The following CHIC2 variants were observed in gnomAD, a reference collection of about 807,000 sequenced individuals.
The protein encoded by CHIC2 is cysteine-rich hydrophobic domain-containing protein 2.
A neutral mutation model predicts 25.9 loss-of-function variants in CHIC2; 14 were observed. That is an observed-to-expected ratio of 0.54 (90% CI 0.36 to 0.85). CHIC2 has a LOEUF of 0.85. Among genes scored for constraint, CHIC2 ranks in the 40% least tolerant of loss-of-function variants. CHIC2 has a pLI of 0.01. For synonymous variants in CHIC2, 70 were observed against 72.0 expected (o/e 0.97, Z 0.14); for missense variants, 146 against 202.0 (o/e 0.72, Z 1.68).
At chr4:54,089,711 G>A in the CHIC2 span, among the ~76,000 whole-genome samples, 1 of 152,226 alleles carries the variant, frequency 6.6e-6, no homozygotes, top group East Asian at 1.9e-4. Context: ...AGCTCCTATA[G>A]GTTCTTGCTG....
At chr4:54,020,484 G>A (rs1715866394) in intron 3 of CHIC2, among the ~76,000 whole-genome samples, 1 of 152,148 alleles carries the variant, frequency 6.6e-6, no homozygotes, top group African/African-American at 2.4e-5. Context: ...TTTGTTTGGT[G>A]GTCTCTTCAC....
At chr4:54,087,966 T>C in the CHIC2 span, among the ~76,000 whole-genome samples, 5 of 152,220 alleles carry the variant, frequency 3.3e-5, no homozygotes, top group Non-Finnish European at 7.3e-5. Flanking sequence ...CCTTTTCTCA[T>C]TTCAAAGTTG....
At chr4:54,090,027 T>C in the CHIC2 span, among the ~76,000 whole-genome samples, 94 of 152,316 alleles carry the variant, frequency 6.2e-4, no homozygotes, top group Admixed American at 5.0e-3. Context: ...AAATGAATTT[T>C]GTGTTTAGAC....
intron 5 of CHIC2, 66 bp from the exon 6 acceptor site, chr4:54,010,211 T>G: frequency 2.7e-6 from 3 of 1,121,766 alleles, no homozygotes; most frequent in Non-Finnish European, 3.9e-6. Flanking sequence ...ACTTCAATTA[T>G]ATGCTTTCAC....
chr4:54,080,591 C>A, the CHIC2 span, among the ~76,000 whole-genome samples: 1 of 151,666 alleles, frequency 6.6e-6, no homozygotes, highest in African/African-American at 2.4e-5. Flanking sequence ...CATGGTGAAA[C>A]CCCATCTCTA....
intron 5 of CHIC2, among the ~76,000 whole-genome samples, chr4:54,013,398 C>T (rs1715645726): frequency 6.6e-6 from 1 of 152,028 alleles, no homozygotes; most frequent in Non-Finnish European, 1.5e-5. Context: ...CACTGAGGTA[C>T]GGGCAGTTAA....
intron 3 of CHIC2, among the ~76,000 whole-genome samples, chr4:54,030,408 G>A (rs1017658756): frequency 2.0e-5 from 3 of 150,948 alleles, no homozygotes; most frequent in African/African-American, 7.3e-5. Context: ...CTACAGTCCC[G>A]CCTACTTGGG....
At chr4:54,028,143 T>G (rs1272384617) in intron 3 of CHIC2, among the ~76,000 whole-genome samples, 1 of 152,184 alleles carries the variant, frequency 6.6e-6, no homozygotes, top group Non-Finnish European at 1.5e-5. Context: ...CTGCAAAAGT[T>G]AATATAATAA....
intron 1 of CHIC2, among the ~76,000 whole-genome samples, chr4:54,053,354 C>T (rs754737905): frequency 1.3e-5 from 2 of 151,986 alleles, no homozygotes; most frequent in Admixed American, 6.6e-5. Context: ...GTCAGGAGTT[C>T]GAGACCAACC....
chr4:54,053,488 G>C (rs1717072113), intron 1 of CHIC2, among the ~76,000 whole-genome samples: 1 of 151,104 alleles, frequency 6.6e-6, no homozygotes, highest in South Asian at 2.1e-4. Context: ...CCCGGAGGCG[G>C]AGGTTGCAGT....
intron 3 of CHIC2, among the ~76,000 whole-genome samples, chr4:54,023,406 G>A (rs965741288): frequency 6.6e-6 from 1 of 152,042 alleles, no homozygotes; most frequent in Non-Finnish European, 1.5e-5. Flanking sequence ...CCCACCTGAT[G>A]CATATACTTT....
At chr4:54,063,316 T>C (rs377051673) in intron 1 of CHIC2, among the ~76,000 whole-genome samples, 1 of 152,222 alleles carries the variant, frequency 6.6e-6, no homozygotes, top group African/African-American at 2.4e-5. Context: ...ATGTAATACA[T>C]CAAGTGGTAC....
chr4:54,083,374 A>G, the CHIC2 span, among the ~76,000 whole-genome samples: 2 of 152,032 alleles, frequency 1.3e-5, no homozygotes, highest in Non-Finnish European at 2.9e-5. Context: ...TACATCAAAA[A>G]TTTCCTCTTG....
intron 3 of CHIC2, among the ~76,000 whole-genome samples, chr4:54,032,310 T>TGCCGA (rs1716254895): frequency 8.1e-6 from 1 of 123,390 alleles, no homozygotes; most frequent in East Asian, 2.9e-4. Context: ...CTCCCTCTGA[T>TGCCGA]GCCGAGCCGA....
chr4:54,057,412 C>T (rs976199218), intron 1 of CHIC2, among the ~76,000 whole-genome samples: 1 of 152,174 alleles, frequency 6.6e-6, no homozygotes, highest in African/African-American at 2.4e-5. Context: ...TTCAGTTCCT[C>T]AGGCAAGTCA....
At chr4:54,075,381 C>G in the CHIC2 span, among the ~76,000 whole-genome samples, 38 of 152,084 alleles carry the variant, frequency 2.5e-4, no homozygotes, top group African/African-American at 8.5e-4. Context: ...CTTGGAGAAA[C>G]AAAATAGTTT....
chr4:54,023,689 T>C (rs1715973893), intron 3 of CHIC2, among the ~76,000 whole-genome samples: 3 of 152,158 alleles, frequency 2.0e-5, no homozygotes, highest in Admixed American at 6.5e-5. Context: ...TATAGTATCT[T>C]CCACATCTAT....
chr4:54,073,083 G>A, the CHIC2 span, among the ~76,000 whole-genome samples: 27 of 151,820 alleles, frequency 1.8e-4, no homozygotes, highest in African/African-American at 5.8e-4. Context: ...AAAAAAAGAT[G>A]TTCACATCCC....
Position 54,064,340 on chromosome 4 carries a change from C to T in CHIC2, c.-40G>A. ...CTCCCCTGCCCAAAGGGCCTGACTC[C>T]CGGGGTTGGCGCCGGGGTACCGGCG... is the stretch of plus-strand genomic sequence containing the variant. On this transcript the variant is annotated 5_prime_UTR_variant, in exon 1 of 6. Coordinates refer to ENST00000263921, the MANE Select transcript of CHIC2 (RefSeq NM_012110.4). This position sits in a 1 kb window ranked among gnomAD's most constrained non-coding sequence, Gnocchi z 4.2. The T allele has an allele frequency of 6.2e-7, 1 of 1,610,740 alleles. No individual in the cohort carries two copies. The highest frequency in any genetic ancestry group is 8.5e-7 in the Non-Finnish European group (1 of 1,178,376).
Sources: gnomAD v4.1 joint callset for allele counts (sites outside exome capture counted in the v4.1 genomes callset) on GRCh38, gnomAD v4.1.1 for gene constraint, Gnocchi (gnomAD v3.1) non-coding constraint, MANE v1.5 for transcripts, NCBI Gene and HGNC (gene_info 2026-07-23, HGNC 2026-07-21) for gene names.